The following SGCZ variants were observed in gnomAD, a reference collection of about 807,000 sequenced individuals.
SGCZ encodes sarcoglycan zeta.
In SGCZ, 40 loss-of-function variants were observed where a neutral mutation model predicts 41.3. That is an observed-to-expected ratio of 0.97 (90% CI 0.75 to 1.26). The LOEUF is 1.26. SGCZ is among the 50% of genes most tolerant of loss of function. SGCZ has a pLI of 0.00. For missense variants in SGCZ, 552 were observed against 369.8 expected, an observed-to-expected ratio of 1.49 and a Z score of -4.04; for synonymous variants, 206 against 137.5, an observed-to-expected ratio of 1.50 and a Z score of -3.49.
chr8:14,125,380 T>G (rs1205312314), intron 5 of SGCZ, among the ~76,000 whole-genome samples: 2 of 151,796 alleles, frequency 1.3e-5, no homozygotes, highest in African/African-American at 4.8e-5. Flanking sequence ...GGCGGGCGCC[T>G]GTAGTCCCAG....
intron 1 of SGCZ, among the ~76,000 whole-genome samples, chr8:15,017,342 G>A (rs1803077158): frequency 6.6e-6 from 1 of 152,122 alleles, no homozygotes; most frequent in African/African-American, 2.4e-5. Flanking sequence ...CAACTGCTAT[G>A]CTCCCATTCA....
At chr8:14,392,807 A>C (rs1249887847) in intron 2 of SGCZ, among the ~76,000 whole-genome samples, 1 of 137,630 alleles carries the variant, frequency 7.3e-6, no homozygotes, top group South Asian at 2.3e-4. Flanking sequence ...AAGACTTTTA[A>C]CTTGAAAATA....
chr8:14,544,184 G>T (rs1405774864), intron 2 of SGCZ, among the ~76,000 whole-genome samples: 1 of 152,090 alleles, frequency 6.6e-6, no homozygotes, highest in Non-Finnish European at 1.5e-5. Flanking sequence ...ACATTTATCA[G>T]TTCCCAAATA....
intron 1 of SGCZ, among the ~76,000 whole-genome samples, chr8:14,687,813 A>G (rs1808665804): frequency 6.6e-6 from 1 of 152,062 alleles, no homozygotes; most frequent in Non-Finnish European, 1.5e-5. Flanking sequence ...TCCCACCAAT[A>G]GTGTAAAAGT....
intron 6 of SGCZ, among the ~76,000 whole-genome samples, chr8:14,104,974 T>C (rs187897312): frequency 6.6e-6 from 1 of 152,102 alleles, no homozygotes; most frequent in Non-Finnish European, 1.5e-5. Flanking sequence ...GAGCACTGTA[T>C]AATTAGTTTC....
intron 1 of SGCZ, among the ~76,000 whole-genome samples, chr8:14,799,876 G>A (rs531338140): frequency 6.6e-6 from 1 of 152,168 alleles, no homozygotes; most frequent in East Asian, 1.9e-4. Context: ...TTTTACTAGA[G>A]AAGAAGAAGA....
At chr8:15,233,401 A>G (rs1802020932) in intron 1 of SGCZ, among the ~76,000 whole-genome samples, 1 of 151,726 alleles carries the variant, frequency 6.6e-6, no homozygotes, top group Non-Finnish European at 1.5e-5. Context: ...TTTGATTTAA[A>G]TTGTAGATGA....
intron 1 of SGCZ, among the ~76,000 whole-genome samples, chr8:15,029,857 T>A (rs1176059973): frequency 6.6e-6 from 1 of 152,164 alleles, no homozygotes; most frequent in Non-Finnish European, 1.5e-5. Flanking sequence ...GAGATGATTA[T>A]AATAGATCAT....
chr8:15,028,360 A>G (rs1803530193), intron 1 of SGCZ, among the ~76,000 whole-genome samples: 1 of 152,048 alleles, frequency 6.6e-6, no homozygotes, highest in Non-Finnish European at 1.5e-5. Flanking sequence ...CGTCTTTCTA[A>G]GTTGAAGTCA....
intron 1 of SGCZ, among the ~76,000 whole-genome samples, chr8:14,672,992 C>CA (rs1360556170): frequency 6.6e-6 from 1 of 152,090 alleles, no homozygotes; most frequent in Non-Finnish European, 1.5e-5. Context: ...GTGTTTCAAG[C>CA]AAAAGTAATT....
chr8:15,155,832 T>C (rs725120), intron 1 of SGCZ, among the ~76,000 whole-genome samples: 43,160 of 151,862 alleles, frequency 0.28, 6,459 homozygotes, highest in East Asian at 0.5. Context: ...CTGAGGCAGG[T>C]GGACTGCCTG....
chr8:14,264,612 C>T lies in SGCZ; in HGVS notation c.337-26933G>A, dbSNP rs142112817. On this transcript the variant is annotated intron_variant, in intron 3 of 7. Transcript: ENST00000382080. ...GCGATGATACAGAGGCAGTGACCAC[C>T]GGCTGAAAGAAAATAATCAGTCTGC... is the stretch of plus-strand genomic sequence containing the variant. Among the ~76,000 whole-genome samples the T allele has an allele frequency of 4.4e-4, 67 of 152,192 alleles. No homozygotes were observed. The East Asian group carries it at 8.3e-3, about 19-fold the overall frequency.
intron 1 of SGCZ, among the ~76,000 whole-genome samples, chr8:15,109,952 T>C (rs1362842238): frequency 6.6e-6 from 1 of 152,226 alleles, no homozygotes; most frequent in East Asian, 1.9e-4. Context: ...AAACTTTTAA[T>C]GTTACAGTCA....
chr8:14,466,638 A>C lies in SGCZ; in HGVS notation c.234+88094T>G, dbSNP rs953755570. Reference sequence around the variant, plus strand: ...ATGTTCCTTAAATTTTTTTCACTTAACCTCCATCTTTTTTCTTTCTATTCC... The same window carrying C: ...ATGTTCCTTAAATTTTTTTCACTTACCCTCCATCTTTTTTCTTTCTATTCC... On this transcript the variant is annotated intron_variant, in intron 2 of 7. Coordinates refer to ENST00000382080, the MANE Select transcript of SGCZ (RefSeq NM_139167.4). Among the ~76,000 whole-genome samples, 19 of 150,874 alleles carry C rather than the reference A, an allele frequency of 1.3e-4. No individual in the cohort carries two copies. The South Asian group carries it at 1.5e-3, about 12-fold the overall frequency.
At chr8:14,349,544 C>A (rs570846840) in intron 2 of SGCZ, among the ~76,000 whole-genome samples, 2 of 152,258 alleles carry the variant, frequency 1.3e-5, no homozygotes, top group African/African-American at 4.8e-5. Flanking sequence ...TATGTGTCAT[C>A]TTTACCTATT....
chr8:14,650,939 A>G (rs988825397), intron 1 of SGCZ, among the ~76,000 whole-genome samples: 8 of 152,262 alleles, frequency 5.3e-5, no homozygotes, highest in African/African-American at 1.7e-4. Context: ...AATCTAGAAC[A>G]AATGACTAAA....
At chr8:14,943,227 G>A (rs1342103222) in intron 1 of SGCZ, among the ~76,000 whole-genome samples, 1 of 152,112 alleles carries the variant, frequency 6.6e-6, no homozygotes, top group Non-Finnish European at 1.5e-5. Context: ...CTCTGAATGA[G>A]GATGCAACCA....
intron 1 of SGCZ, among the ~76,000 whole-genome samples, chr8:14,566,236 G>T (rs935188555): frequency 6.6e-6 from 1 of 152,122 alleles, no homozygotes; most frequent in Non-Finnish European, 1.5e-5. Context: ...TTATTCTCTT[G>T]AATTATTTAC....
chr8:14,863,714 G>A lies in SGCZ; in HGVS notation c.40-308788C>T, dbSNP rs144551311. 6.6e-4 allele frequency among the ~76,000 whole-genome samples: 101 copies of A among 152,262 alleles called. 2 individuals are homozygous for A. The highest frequency in any genetic ancestry group is 1.1e-3 in the Non-Finnish European group (75 of 68,022). ...TTTTCTTGGACTTTAAACTGCTGCT[G>A]CTGATAAAAGCAGAGGGAGCTGCTT... On this transcript the variant is annotated intron_variant, in intron 1 of 7. Coordinates refer to ENST00000382080, the MANE Select transcript of SGCZ (RefSeq NM_139167.4).
Sources: allele counts gnomAD v4.1 joint callset (sites outside exome capture counted in the v4.1 genomes callset), GRCh38; gene constraint gnomAD v4.1.1; transcripts MANE v1.5; gene names NCBI Gene and HGNC (gene_info 2026-07-23, HGNC 2026-07-21).